PRCC: variants seen among roughly 807,000 people sequenced by gnomAD.
PRCC encodes the protein proline rich mitotic checkpoint control factor.
Under a neutral mutation model 44.0 loss-of-function variants are expected in PRCC, and 10 were observed. That is an observed-to-expected ratio of 0.23 (90% CI 0.14 to 0.39). PRCC has a LOEUF of 0.39. Ranked by LOEUF, PRCC falls within the 10% of genes least tolerant of loss-of-function variation. The pLI is 1.00. For missense variants in PRCC, 573 were observed against 624.7 expected, an observed-to-expected ratio of 0.92 and a Z score of 0.88; for synonymous variants, 278 against 259.5, an observed-to-expected ratio of 1.07 and a Z score of -0.69.
rs1217462930 is a variant in PRCC at position 156,800,689 on chromosome 1, G to A, written c.*229G>A. The stretch of plus-strand genomic sequence containing the variant: ...AGACTTGTGTGATGCCTCCGAAGGG[G>A]CTCTGAGTTCTGGGGTGGGAGTTTT... On this transcript the variant is annotated 3_prime_UTR_variant, in exon 7 of 7. Transcript: ENST00000271526. The A allele has an allele frequency of 1.1e-5, 5 of 464,140 alleles. No homozygotes were observed. The South Asian group carries it at 1.4e-4, about 13-fold the overall frequency. 28.8% of individuals were successfully genotyped at this position (464,140 alleles called of 1,614,324 possible). A position where few individuals can be genotyped will look rare whatever the true frequency, so the allele number is the denominator to read the frequency against.
intron 3 of PRCC, among the ~76,000 whole-genome samples, chr1:156,788,891 C>T (rs1037023082): frequency 1.3e-5 from 2 of 152,004 alleles, no homozygotes; most frequent in African/African-American, 4.8e-5. Context: ...GTCTCGAACT[C>T]CTGACCTCAA....
chr1:156,779,848 T>A (rs964698060), intron 1 of PRCC, among the ~76,000 whole-genome samples: 1 of 151,376 alleles, frequency 6.6e-6, no homozygotes, highest in Non-Finnish European at 1.5e-5. Context: ...TGCTAGGAAG[T>A]GCTCCCAAAG....
Position 156,800,357 on chromosome 1 carries a change from C to T in PRCC, c.1390-17C>T. 1 of 1,613,672 alleles carries T rather than the reference C, an allele frequency of 6.2e-7. No individual in the cohort carries two copies. Among genetic ancestry groups the T allele is most frequent in the Non-Finnish European group, 8.5e-7 (1 of 1,179,560 alleles). On this transcript the variant is annotated splice_polypyrimidine_tract_variant and intron_variant, in intron 6 of 6. Transcript: ENST00000271526. ...AATTCCAGTTTGACCCTCCCCTACC[C>T]TTCTTCCTTGCCACAGGCCAAGGAG...
At chr1:156,789,484 A>G (rs985303920) in intron 3 of PRCC, among the ~76,000 whole-genome samples, 1 of 152,208 alleles carries the variant, frequency 6.6e-6, no homozygotes, top group African/African-American at 2.4e-5. Context: ...AATCTATGGC[A>G]TAGATGTCTA....
At chr1:156,789,049 A>AACCT (rs1652384901) in intron 3 of PRCC, among the ~76,000 whole-genome samples, 1 of 151,808 alleles carries the variant, frequency 6.6e-6, no homozygotes, top group South Asian at 2.1e-4. Flanking sequence ...GGCTCACTGC[A>AACCT]ACCTCCACCT....
chr1:156,774,086 G>C (rs1651728839), intron 1 of PRCC, among the ~76,000 whole-genome samples: 1 of 151,610 alleles, frequency 6.6e-6, no homozygotes, highest in Non-Finnish European at 1.5e-5. Context: ...CAGTTACCAG[G>C]GGCTGGGGGG....
At chr1:156,787,253 C>A in intron 3 of PRCC, 79 bp downstream of exon 3, 1 of 1,437,936 alleles carries the variant, frequency 7.0e-7, no homozygotes, top group Non-Finnish European at 9.4e-7. Flanking sequence ...AGTGATACAG[C>A]CTCTGTGGTG....
At chr1:156,789,836 T>G (rs1357520672) in intron 3 of PRCC, among the ~76,000 whole-genome samples, 1 of 152,238 alleles carries the variant, frequency 6.6e-6, no homozygotes, top group Non-Finnish European at 1.5e-5. Flanking sequence ...AAATGCTGAT[T>G]GTAACTTTTT....
chr1:156,797,255 A>AT, intron 5 of PRCC, 21 bp from the exon 6 acceptor site: 1 of 1,614,052 alleles, frequency 6.2e-7, no homozygotes, highest in South Asian at 1.1e-5. Context: ...GGATTAATGA[A>AT]TATGTTTTCT....
intron 3 of PRCC, chr1:156,791,358 G>A: frequency 4.2e-6 from 2 of 474,210 alleles, no homozygotes; most frequent in Non-Finnish European, 7.9e-6. Flanking sequence ...AGGGCTGAGG[G>A]CATGGTAGAG....
chr1:156,786,649 A>T lies in PRCC; in HGVS notation c.558A>T (p.Gln186His), dbSNP rs1264749907. ...CTGGTTTGTCTGCCTTGCTTCCCCA[A>T]CCTAAAAACCTGACTGTGAAAGAGA... ...EGTGLSALLP[Q>H]PKNLTVKETN... The change falls in exon 3 of 7, where the codon CAA becomes CAT. Residue 186 changes from glutamine to histidine, a missense_variant. Gln to His is a conservative substitution (Grantham distance 24). Coordinates refer to ENST00000271526, the MANE Select transcript of PRCC (RefSeq NM_005973.5). The T allele has an allele frequency of 6.2e-7, 1 of 1,613,570 alleles. No individual in the cohort carries two copies. The highest frequency in any genetic ancestry group is 1.7e-5 in the Admixed American group (1 of 59,974).
In PRCC at chr1:156,797,328, A is replaced by T; in HGVS notation, c.1376A>T (p.Tyr459Phe). 1.2e-6 allele frequency: 2 copies of T among 1,614,186 alleles called. No homozygotes were observed. The highest frequency in any genetic ancestry group is 2.2e-5 in the South Asian group (2 of 91,088). Reference protein sequence around the residue: ...GQQRRKHQITYLIHQAKEREL... With the variant: ...GQQRRKHQITFLIHQAKEREL... The stretch of plus-strand genomic sequence containing the variant: ...CAGCGGCGGAAACACCAGATCACAT[A>T]TCTTATTCATCAGGTGAGAGACAGC... The change falls in exon 6 of 7, where the codon TAT (tyrosine) becomes TTT (phenylalanine). Residue 459 changes from tyrosine to phenylalanine, a missense_variant. Physicochemically the swap from Tyr to Phe is conservative, Grantham distance 22 (BLOSUM62 3). Around this residue, in one of 4 missense-constraint regions of PRCC, gnomAD observed 69 missense variants for 139.3 expected, o/e 0.50. Coordinates refer to ENST00000271526, the MANE Select transcript of PRCC (RefSeq NM_005973.5).
chr1:156,780,405 AT>A (rs912495311), intron 1 of PRCC, among the ~76,000 whole-genome samples: 49 of 149,752 alleles, frequency 3.3e-4, no homozygotes, highest in African/African-American at 9.3e-4. Flanking sequence ...TTTATTTTAA[AT>A]TTTTTTTTTA....
chr1:156,799,491 C>A (rs1652770323), intron 6 of PRCC, among the ~76,000 whole-genome samples: 1 of 152,180 alleles, frequency 6.6e-6, no homozygotes, highest in African/African-American at 2.4e-5. Context: ...GAATAAGACC[C>A]TTTCCTGGCC....
At position 156,773,463 on chromosome 1, in the gene PRCC, A is replaced by G. The variant is rs564287323; in HGVS notation, c.468+5224A>G. 2.6e-5 allele frequency among the ~76,000 whole-genome samples: 4 copies of G among 152,362 alleles called. No homozygotes were observed. The South Asian group carries it at 8.3e-4, about 32-fold the overall frequency. Reference sequence around the variant, plus strand: ...TTGAGGCTCAGGTTCTCGTGAGGCCAAGAAGAAATACAATACTTTCTTATT... The same window carrying G: ...TTGAGGCTCAGGTTCTCGTGAGGCCGAGAAGAAATACAATACTTTCTTATT... On this transcript the variant is annotated intron_variant, in intron 1 of 6. Transcript: ENST00000271526.
In PRCC at chr1:156,767,822, T is replaced by C; in HGVS notation, c.51T>C (p.Ala17=). 1 of 1,610,430 alleles carries C rather than the reference T, an allele frequency of 6.2e-7. No individual in the cohort carries two copies. The highest frequency in any genetic ancestry group is 8.5e-7 in the Non-Finnish European group (1 of 1,179,174). The change falls in exon 1 of 7, where the codon GCT becomes GCC. Residue 17 remains alanine (A), a synonymous_variant. Transcript: ENST00000271526. ...ASSDESEPDE[A]EPEPEEEEAV... is the part of the protein sequence containing the mutation. The stretch of plus-strand genomic sequence containing the variant: ...GCGATGAGAGCGAGCCGGATGAGGC[T>C]GAGCCCGAGCCGGAGGAAGAGGAGG...
At chr1:156,780,383 AT>A (rs1229373935) in intron 1 of PRCC, among the ~76,000 whole-genome samples, 1 of 151,342 alleles carries the variant, frequency 6.6e-6, no homozygotes, top group South Asian at 2.1e-4. Context: ...TCTATTGTTA[AT>A]TTTTTTTAAA....
intron 5 of PRCC, among the ~76,000 whole-genome samples, chr1:156,795,092 C>T (rs1274824538): frequency 2.0e-5 from 3 of 152,098 alleles, no homozygotes; most frequent in African/African-American, 7.2e-5. Flanking sequence ...TCTTCTCAGG[C>T]TGCACAGAAT....
rs1225840249 is a variant in PRCC, at chr1:156,767,867, G to A, written c.96G>A (p.Gly32=). ...AGGAGGCGGTGGCTCCTACATCTGG[G>A]CCCGCTTTAGGGGGCTTGTTCGCTT... is the stretch of plus-strand genomic sequence containing the variant. The part of the protein sequence containing the change: ...EEEEAVAPTS[G]PALGGLFASL... The change falls in exon 1 of 7, where the codon GGG becomes GGA. Residue 32 remains glycine, a synonymous_variant. Coordinates refer to ENST00000271526, the MANE Select transcript of PRCC (RefSeq NM_005973.5). The A allele has an allele frequency of 4.4e-6, 7 of 1,607,758 alleles. No homozygotes were observed. Among genetic ancestry groups the A allele is most frequent in the African/African-American group, 1.3e-5 (1 of 74,966 alleles).
Sources: gnomAD v4.1 joint callset for allele counts (sites outside exome capture counted in the v4.1 genomes callset) on GRCh38, gnomAD v4.1.1 for gene constraint, gnomAD v4.1.1 regional missense constraint, MANE v1.5 for transcripts, NCBI Gene and HGNC (gene_info 2026-07-23, HGNC 2026-07-21) for gene names.